Variants in AFF2 observed in about 807,000 individuals in gnomAD.
AFF2 encodes the protein AF4/FMR2 family member 2.
A neutral mutation model predicts 76.9 loss-of-function variants in AFF2; 14 were observed. The observed-to-expected ratio is 0.18, with a 90% confidence interval of 0.12 to 0.28. AFF2 has a LOEUF of 0.28. Ranked by LOEUF, AFF2 falls within the 10% of genes least tolerant of loss-of-function variation. The pLI, the probability that AFF2 is intolerant of heterozygous loss-of-function variation, is 1.00. For missense variants in AFF2, 868 were observed against 1,001.1 expected (o/e 0.87, Z 1.79); for synonymous variants, 398 against 366.7 (o/e 1.09, Z -0.98).
At chrX:148,535,547 G>A (rs2052774691) in intron 1 of AFF2, among the ~76,000 whole-genome samples, 1 of 112,760 alleles carries the variant, frequency 8.9e-6, no homozygotes. Flanking sequence ...ACCCATTTCT[G>A]AAGTCTCTAC....
chrX:148,560,535 G>C (rs1557240435), intron 1 of AFF2, among the ~76,000 whole-genome samples: 1 of 112,041 alleles, frequency 8.9e-6, no homozygotes, highest in African/African-American at 3.2e-5. Flanking sequence ...TGACAAATGG[G>C]ATCTAATTAA....
rs982734500 is a variant in AFF2 at position 148,996,937 on chromosome X, G to A, written c.*5605G>A. 1.8e-5 allele frequency: 2 copies of A among 112,133 alleles called. No individual in the cohort carries two copies. The highest frequency in any genetic ancestry group is 3.8e-5 in the Non-Finnish European group (2 of 53,207). 9.2% of individuals were successfully genotyped at this position (112,133 alleles called of 1,213,427 possible). Reference sequence around the variant, plus strand: ...AACTTTTACATGTAACTAGGATAAAGTATTTACGGGAACTCTATGGAGAAT... The same window carrying A: ...AACTTTTACATGTAACTAGGATAAAATATTTACGGGAACTCTATGGAGAAT... On this transcript the variant is annotated 3_prime_UTR_variant, in exon 21 of 21. Coordinates refer to ENST00000370460, the MANE Select transcript of AFF2 (RefSeq NM_002025.4).
intron 1 of AFF2, among the ~76,000 whole-genome samples, chrX:148,511,358 G>A (rs1348314440): frequency 8.9e-6 from 1 of 111,799 alleles, no homozygotes; most frequent in Non-Finnish European, 1.9e-5. Context: ...TTTTCTCCGC[G>A]CTTTTGTAAC....
chrX:148,661,413 G>A (rs1430181769), intron 2 of AFF2, among the ~76,000 whole-genome samples: 1 of 111,883 alleles, frequency 8.9e-6, no homozygotes, highest in Non-Finnish European at 1.9e-5. Flanking sequence ...TTATAGTCAT[G>A]GTAGCACAAT....
intron 8 of AFF2, among the ~76,000 whole-genome samples, chrX:148,892,312 C>T (rs1216418909): frequency 9.0e-6 from 1 of 111,235 alleles, no homozygotes; most frequent in Non-Finnish European, 1.9e-5. Context: ...CTTAGATCTT[C>T]CCCTCCACTT....
At chrX:148,690,614 A>T (rs2054641285) in intron 3 of AFF2, among the ~76,000 whole-genome samples, 1 of 112,214 alleles carries the variant, frequency 8.9e-6, no homozygotes, top group South Asian at 3.7e-4. Flanking sequence ...CACCATTTAG[A>T]GGCACTATGG....
chrX:148,932,252 A>T (rs2071722714), intron 9 of AFF2, among the ~76,000 whole-genome samples: 1 of 112,351 alleles, frequency 8.9e-6, no homozygotes, highest in Admixed American at 9.4e-5. Flanking sequence ...TAATCTTCTG[A>T]GAATTTCTCA....
intron 3 of AFF2, among the ~76,000 whole-genome samples, chrX:148,742,975 G>A (rs369452416): frequency 9.0e-6 from 1 of 111,331 alleles, no homozygotes; most frequent in African/African-American, 3.3e-5. Flanking sequence ...ACTTCTTTTT[G>A]TGATTTGCTG....
chrX:148,897,258 T>TGAAAA (rs1557280429), intron 8 of AFF2, among the ~76,000 whole-genome samples: 34 of 41,618 alleles, frequency 8.2e-4, no homozygotes, highest in South Asian at 1.6e-3. Context: ...TATATATATA[T>TGAAAA]ATATATATAT....
At chrX:148,989,281 C>A (rs1557291994) in intron 20 of AFF2, among the ~76,000 whole-genome samples, 1 of 112,397 alleles carries the variant, frequency 8.9e-6, no homozygotes, top group African/African-American at 3.2e-5. Context: ...TTTCCTTTAT[C>A]ATTGCATCCA....
chrX:148,667,050 C>A (rs1603272179), intron 3 of AFF2, among the ~76,000 whole-genome samples: 1 of 111,781 alleles, frequency 8.9e-6, no homozygotes, highest in African/African-American at 3.3e-5. Context: ...GTGTCATATC[C>A]CTAAAGGGTC....
rs150962167 is a variant in AFF2 at position 148,886,647 on chromosome X, C to T, written c.1359+662C>T. Among the ~76,000 whole-genome samples, 638 of 112,092 alleles carry T rather than the reference C, an allele frequency of 5.7e-3. 6 individuals are homozygous for T. The highest frequency in any genetic ancestry group is 0.019 in the African/African-American group (585 of 30,878). ...AAGTATCATGTATGACTCATGAGAACGGCAACCTAGTGTGTGGTGTCAATG... is the reference window on the plus strand; with the variant it reads ...AAGTATCATGTATGACTCATGAGAATGGCAACCTAGTGTGTGGTGTCAATG... On this transcript the variant is annotated intron_variant, in intron 8 of 20. Transcript: ENST00000370460.
Position 148,754,632 on chromosome X carries a change from T to C in AFF2, c.1042-55244T>C, listed in dbSNP as rs184938563. Among the ~76,000 whole-genome samples, 3 of 111,165 alleles carry C rather than the reference T, an allele frequency of 2.7e-5. No individual in the cohort carries two copies. In the Admixed American group the frequency reaches 2.9e-4, roughly 11 times the overall value. On this transcript the variant is annotated intron_variant, in intron 3 of 20. Transcript: ENST00000370460. Reference sequence around the variant, plus strand: ...GGCCCCTCCCACTATTCCTTTTCCCTACACCAGGAGGATAGAGTCCTGTTA... The same window carrying C: ...GGCCCCTCCCACTATTCCTTTTCCCCACACCAGGAGGATAGAGTCCTGTTA...
At chrX:148,790,481 G>T (rs1315870446) in intron 3 of AFF2, among the ~76,000 whole-genome samples, 3 of 111,751 alleles carry the variant, frequency 2.7e-5, no homozygotes, top group African/African-American at 9.8e-5. Context: ...AGTGTGGTAT[G>T]TATACACCAT....
rs374733468 is a variant in AFF2, at chrX:148,604,472, A to G, written c.48-47527A>G. Among the ~76,000 whole-genome samples the G allele has an allele frequency of 1.0e-3, 114 of 112,568 alleles. 1 individual carries two copies. The highest frequency in any genetic ancestry group is 3.5e-3 in the African/African-American group (109 of 31,070). ...CAGTGGCACGCTCATAGCTCACTGC[A>G]GCCTTGAATTCCTGGGCTTCAGCAG... On this transcript the variant is annotated intron_variant, in intron 1 of 20. Coordinates refer to ENST00000370460, the MANE Select transcript of AFF2 (RefSeq NM_002025.4).
At chrX:148,793,018 A>G (rs187346916) in intron 3 of AFF2, among the ~76,000 whole-genome samples, 19 of 111,741 alleles carry the variant, frequency 1.7e-4, no homozygotes. Context: ...TTAAATCATA[A>G]CTTACAAAAT....
intron 3 of AFF2, among the ~76,000 whole-genome samples, chrX:148,679,866 A>G (rs1557259793): frequency 1.8e-5 from 2 of 112,478 alleles, no homozygotes; most frequent in African/African-American, 6.5e-5. Context: ...ATAAGCCATT[A>G]TTCTGAAAAT....
intron 3 of AFF2, among the ~76,000 whole-genome samples, chrX:148,742,630 A>C (rs2055369583): frequency 8.9e-6 from 1 of 111,827 alleles, no homozygotes; most frequent in South Asian, 3.7e-4. Context: ...GACTAATAGA[A>C]TCCCTAAAAT....
intron 2 of AFF2, among the ~76,000 whole-genome samples, chrX:148,655,520 C>G (rs2054243442): frequency 9.0e-6 from 1 of 111,512 alleles, no homozygotes; most frequent in South Asian, 3.7e-4. Flanking sequence ...AGGTGATTGC[C>G]CACCTTGACC....
Sources: gnomAD v4.1 joint callset for allele counts (sites outside exome capture counted in the v4.1 genomes callset) on GRCh38, gnomAD v4.1.1 for gene constraint, MANE v1.5 for transcripts, NCBI Gene and HGNC (gene_info 2026-07-23, HGNC 2026-07-21) for gene names.